PRKCZ: variants seen among roughly 807,000 people sequenced by gnomAD.
PRKCZ encodes protein kinase C zeta type.
PRKCZ carries 33 observed loss-of-function variants against 79.5 expected under a neutral mutation model. The observed-to-expected ratio is 0.41, with a 90% confidence interval of 0.31 to 0.55. The LOEUF (loss-of-function observed/expected upper bound fraction) is 0.55, where lower values mean the gene tolerates loss of function less well. PRKCZ is among the 20% of genes least tolerant of loss of function. The probability of loss-of-function intolerance (pLI) is 0.19; values close to 1 mark genes in which losing one functional copy is unlikely to be tolerated. For missense variants in PRKCZ, 578 were observed against 813.5 expected (o/e 0.71, Z 3.52); for synonymous variants, 342 against 320.9 (o/e 1.07, Z -0.70).
intron 5 of PRKCZ, 38 bp from the exon 6 acceptor site, chr1:2,144,172 A>G: frequency 6.5e-7 from 1 of 1,545,600 alleles, no homozygotes. Flanking sequence ...CTGGCCCCTC[A>G]GTGTGGCCTG....
chr1:2,135,188 C>G, intron 4 of PRKCZ, 74 bp from the exon 5 acceptor site: 1 of 1,317,010 alleles, frequency 7.6e-7, no homozygotes, highest in Non-Finnish European at 1.1e-6. Context: ...CGGGAGTGGC[C>G]TGTCGCAGCT....
chr1:2,169,454 T>C, intron 10 of PRKCZ, 64 bp from the exon 11 acceptor site: 1 of 1,421,962 alleles, frequency 7.0e-7, no homozygotes. Flanking sequence ...TCTGTGGGGC[T>C]TCTGTCTAAG....
At chr1:2,163,335 A>G (rs1682684417) in intron 10 of PRKCZ, among the ~76,000 whole-genome samples, 1 of 152,208 alleles carries the variant, frequency 6.6e-6, no homozygotes, top group East Asian at 1.9e-4. Flanking sequence ...TGGAGCCCAC[A>G]GAGGAGCTGT....
intron 4 of PRKCZ, among the ~76,000 whole-genome samples, chr1:2,134,661 C>T (rs756928735): frequency 3.3e-5 from 5 of 152,136 alleles, no homozygotes; most frequent in Non-Finnish European, 7.3e-5. Flanking sequence ...GCTCTCCTGC[C>T]CTGAGATTTA....
intron 4 of PRKCZ, among the ~76,000 whole-genome samples, chr1:2,120,416 C>T (rs1353317572): frequency 6.7e-6 from 1 of 148,592 alleles, no homozygotes; most frequent in Non-Finnish European, 1.5e-5. Flanking sequence ...TCTCCTGCCT[C>T]AGCGTCCCGA....
Position 2,165,855 on chromosome 1 carries a change from C to T in PRKCZ, c.975-3663C>T, listed in dbSNP as rs1359725442. On this transcript the variant is annotated intron_variant, in intron 10 of 17. Transcript: ENST00000378567. This position sits in a 1 kb window ranked among gnomAD's most constrained non-coding sequence, Gnocchi z 4.1. ...GGGGAGTGGCGAGGAGGGGGCGGCA[C>T]CAAGGACAGGGCCCACCTCCTAGGA... Among the ~76,000 whole-genome samples the T allele has an allele frequency of 1.3e-5, 2 of 152,102 alleles. No individual in the cohort carries two copies. The highest frequency in any genetic ancestry group is 2.9e-5 in the Non-Finnish European group (2 of 68,004).
At chr1:2,053,160 G>A (rs1406605482) in intron 1 of PRKCZ, among the ~76,000 whole-genome samples, 1 of 151,650 alleles carries the variant, frequency 6.6e-6, no homozygotes, top group African/African-American at 2.4e-5. Flanking sequence ...GGCTGCAGTG[G>A]TGTGGTCTCG....
intron 4 of PRKCZ, among the ~76,000 whole-genome samples, chr1:2,109,033 C>T (rs1669175578): frequency 1.3e-5 from 2 of 152,298 alleles, no homozygotes; most frequent in East Asian, 3.9e-4. Flanking sequence ...TCTGATACAG[C>T]CGCCCCCCCA....
chr1:2,154,084 C>T (rs995683857), intron 9 of PRKCZ, among the ~76,000 whole-genome samples: 2 of 152,178 alleles, frequency 1.3e-5, no homozygotes, highest in African/African-American at 4.8e-5. Flanking sequence ...GCCGACGTCC[C>T]TGCGGGGCCA....
intron 4 of PRKCZ, among the ~76,000 whole-genome samples, chr1:2,092,900 C>T (rs1292502603): frequency 6.6e-6 from 1 of 152,180 alleles, no homozygotes; most frequent in Non-Finnish European, 1.5e-5. Context: ...CCCTGAATTC[C>T]AGTCCCAGCG....
At chr1:2,146,702 A>G (rs1053063660) in intron 7 of PRKCZ, among the ~76,000 whole-genome samples, 1 of 152,148 alleles carries the variant, frequency 6.6e-6, no homozygotes, top group Non-Finnish European at 1.5e-5. Flanking sequence ...CCTCACTTTC[A>G]CTTGATGCAT....
intron 4 of PRKCZ, among the ~76,000 whole-genome samples, chr1:2,091,256 C>A (rs761863144): frequency 6.6e-6 from 1 of 152,190 alleles, no homozygotes; most frequent in South Asian, 2.1e-4. Flanking sequence ...AGGCTGCTCT[C>A]GAACTCCTGA....
chr1:2,180,406 G>T (rs1686346969), intron 16 of PRKCZ, among the ~76,000 whole-genome samples: 1 of 152,152 alleles, frequency 6.6e-6, no homozygotes, highest in Non-Finnish European at 1.5e-5. Flanking sequence ...AGACGATGTG[G>T]ATGCACGGAC....
rs145367356 is a variant in PRKCZ, at chr1:2,070,219, C to T, written c.334+10628C>T. Among the ~76,000 whole-genome samples the T allele has an allele frequency of 1.2e-4, 18 of 152,118 alleles. No individual in the cohort carries two copies. In the East Asian group the frequency reaches 2.9e-3, roughly 24 times the overall value. On this transcript the variant is annotated intron_variant, in intron 4 of 17. Transcript: ENST00000378567. ...CAGCACAGATGGCATACCCGGGCAG[C>T]GGGACCCTGCTCCAGCCTGCACCCT... is the stretch of plus-strand genomic sequence containing the variant.
intron 4 of PRKCZ, among the ~76,000 whole-genome samples, chr1:2,095,933 T>TCCTCCTTTCCCCTCC (rs1666426626): frequency 2.0e-5 from 2 of 101,638 alleles, no homozygotes; most frequent in Admixed American, 1.0e-4. Context: ...CCTTCCCCTC[T>TCCTCCTTTCCCCTCC]CCTCCTTTCC....
intron 3 of PRKCZ, among the ~76,000 whole-genome samples, chr1:2,057,242 C>T (rs1030823610): frequency 5.9e-5 from 9 of 152,162 alleles, no homozygotes; most frequent in Non-Finnish European, 8.8e-5. Flanking sequence ...GATGAGCTGA[C>T]GCATGGGAGA....
intron 7 of PRKCZ, among the ~76,000 whole-genome samples, chr1:2,146,439 C>T (rs1204253939): frequency 6.6e-6 from 1 of 152,224 alleles, no homozygotes; most frequent in African/African-American, 2.4e-5. Flanking sequence ...CAGCAGCCAC[C>T]ATGGCCGGGC....
chr1:2,050,741 A>G (rs1659561065), intron 1 of PRKCZ, 40 bp downstream of exon 1: 13 of 310,924 alleles, frequency 4.2e-5, no homozygotes, highest in Non-Finnish European at 6.0e-5. Flanking sequence ...CGGGTGAGGC[A>G]GGGAGGGCGG....
intron 16 of PRKCZ, chr1:2,181,678 G>C (rs182369889): frequency 1.9e-5 from 7 of 361,130 alleles, no homozygotes; most frequent in Non-Finnish European, 3.3e-5. Context: ...AGCAGAGAAC[G>C]GGCTGGGCCA....
Sources: gnomAD v4.1 joint callset for allele counts (sites outside exome capture counted in the v4.1 genomes callset) on GRCh38, gnomAD v4.1.1 for gene constraint, Gnocchi (gnomAD v3.1) non-coding constraint, MANE v1.5 for transcripts, NCBI Gene and HGNC (gene_info 2026-07-23, HGNC 2026-07-21) for gene names.